The following ALK variants were observed in gnomAD, a reference collection of about 807,000 sequenced individuals.
The protein encoded by ALK is ALK tyrosine kinase receptor.
A neutral mutation model predicts 163.1 loss-of-function variants in ALK; 74 were observed. The ratio of observed to expected loss-of-function variants is 0.45; its 90% CI spans 0.38 to 0.55. The LOEUF (loss-of-function observed/expected upper bound fraction) is 0.55. ALK is among the 20% of genes least tolerant of loss of function. ALK has a pLI of 0.00. For missense variants in ALK, 2,063 were observed against 2,105.3 expected (o/e 0.98, Z 0.39); for synonymous variants, 960 against 843.2 (o/e 1.14, Z -2.40).
intron 1 of ALK, among the ~76,000 whole-genome samples, chr2:29,748,892 C>T (rs994472311): frequency 3.5e-4 from 53 of 152,148 alleles, no homozygotes; most frequent in Admixed American, 4.6e-4. Context: ...ATTACAGTCG[C>T]GAGCCATTAC....
At chr2:29,291,547 A>G (rs1666022870) in intron 9 of ALK, among the ~76,000 whole-genome samples, 1 of 152,192 alleles carries the variant, frequency 6.6e-6, no homozygotes, top group African/African-American at 2.4e-5. Context: ...AAAGGGGATT[A>G]ATTATAATAT....
chr2:29,699,089 T>C (rs1185886444), intron 2 of ALK, among the ~76,000 whole-genome samples: 3 of 152,140 alleles, frequency 2.0e-5, no homozygotes, highest in Admixed American at 6.6e-5. Flanking sequence ...TTCACCCTCT[T>C]CCAACTCAGT....
intron 5 of ALK, among the ~76,000 whole-genome samples, chr2:29,331,986 A>G (rs756958400): frequency 3.9e-5 from 6 of 152,044 alleles, no homozygotes; most frequent in Non-Finnish European, 7.4e-5. Flanking sequence ...CACAGAAAAC[A>G]TAAGTGAACT....
chr2:29,457,802 G>A (rs753420948), intron 4 of ALK, among the ~76,000 whole-genome samples: 9 of 151,978 alleles, frequency 5.9e-5, no homozygotes, highest in Non-Finnish European at 1.0e-4. Context: ...CTTTGATGTC[G>A]GTATTATGAT....
chr2:29,230,289 CT>C (rs5830106), intron 15 of ALK, among the ~76,000 whole-genome samples: 92,961 of 138,864 alleles, frequency 0.67, 30,712 homozygotes, highest in Non-Finnish European at 0.75. Flanking sequence ...ACACAATCAT[CT>C]TTTTTTTTTT....
chr2:29,234,103 G>C (rs1052793551), intron 13 of ALK, among the ~76,000 whole-genome samples: 1 of 152,046 alleles, frequency 6.6e-6, no homozygotes, highest in African/African-American at 2.4e-5. Context: ...TGGGGTGCGT[G>C]GGGGAAAAGC....
At chr2:29,739,635 C>G (rs1679996290) in intron 1 of ALK, among the ~76,000 whole-genome samples, 2 of 151,994 alleles carry the variant, frequency 1.3e-5, no homozygotes, top group Middle Eastern at 3.4e-3. Flanking sequence ...CATTCTACCA[C>G]TTACAAGGCA....
chr2:29,403,904 C>G (rs1484357596), intron 4 of ALK, among the ~76,000 whole-genome samples: 1 of 151,684 alleles, frequency 6.6e-6, no homozygotes, highest in Non-Finnish European at 1.5e-5. Flanking sequence ...AGAGAGAGAC[C>G]CTGTCTCAAA....
At chr2:29,649,368 T>G (rs1008777298) in intron 3 of ALK, among the ~76,000 whole-genome samples, 2 of 152,112 alleles carry the variant, frequency 1.3e-5, no homozygotes, top group African/African-American at 4.8e-5. Context: ...CGTTTTGGTT[T>G]CAGTCACTGT....
chr2:29,290,124 T>A (rs1318418866), intron 9 of ALK, among the ~76,000 whole-genome samples: 1 of 152,198 alleles, frequency 6.6e-6, no homozygotes, highest in Non-Finnish European at 1.5e-5. Context: ...CTTCACAGGA[T>A]GCTGTCTCGT....
At chr2:29,481,536 G>C (rs1281300206) in intron 4 of ALK, among the ~76,000 whole-genome samples, 1 of 152,194 alleles carries the variant, frequency 6.6e-6, no homozygotes, top group Admixed American at 6.5e-5. Flanking sequence ...GCTTCTGTCA[G>C]ACTCTACATC....
chr2:29,452,130 C>A (rs1031647865), intron 4 of ALK, among the ~76,000 whole-genome samples: 11 of 152,244 alleles, frequency 7.2e-5, no homozygotes, highest in Admixed American at 5.9e-4. Flanking sequence ...CTCTCTACCC[C>A]ACTTACAGAC....
At chr2:29,353,342 C>T (rs1159697105) in intron 5 of ALK, among the ~76,000 whole-genome samples, 4 of 152,210 alleles carry the variant, frequency 2.6e-5, no homozygotes, top group Admixed American at 6.5e-5. Flanking sequence ...TGCATTATTC[C>T]TTCCTATCAA....
At chr2:29,646,210 T>TC (rs1211405155) in intron 3 of ALK, among the ~76,000 whole-genome samples, 5 of 152,104 alleles carry the variant, frequency 3.3e-5, no homozygotes, top group South Asian at 4.2e-4. Flanking sequence ...TGCAACTTTA[T>TC]CCCCCCCAGG....
chr2:29,709,749 T>A (rs780014341), intron 2 of ALK, among the ~76,000 whole-genome samples: 1 of 152,186 alleles, frequency 6.6e-6, no homozygotes, highest in Non-Finnish European at 1.5e-5. Flanking sequence ...ACTTGCTATA[T>A]GGTATCCAAA....
At chr2:29,248,321 C>T (rs545365743) in intron 12 of ALK, among the ~76,000 whole-genome samples, 1 of 152,186 alleles carries the variant, frequency 6.6e-6, no homozygotes, top group East Asian at 1.9e-4. Flanking sequence ...ACTAAAAATA[C>T]AAAAATTAGC....
chr2:29,573,816 C>T (rs560850220), intron 3 of ALK, among the ~76,000 whole-genome samples: 1 of 152,210 alleles, frequency 6.6e-6, no homozygotes, highest in South Asian at 2.1e-4. Context: ...AGGAAACAGA[C>T]AGTATACAAA....
chr2:29,483,201 C>T (rs974756901), intron 4 of ALK, among the ~76,000 whole-genome samples: 7 of 152,190 alleles, frequency 4.6e-5, no homozygotes, highest in Non-Finnish European at 8.8e-5. Flanking sequence ...CTCTTAGGTA[C>T]GAAATGAGAA....
At chr2:29,322,486 A>G (rs1667089848) in intron 6 of ALK, among the ~76,000 whole-genome samples, 1 of 152,274 alleles carries the variant, frequency 6.6e-6, no homozygotes, top group Non-Finnish European at 1.5e-5. Flanking sequence ...TCTTGCAGAA[A>G]CCAACTGGTG....
Sources: allele counts gnomAD v4.1 joint callset (sites outside exome capture counted in the v4.1 genomes callset), GRCh38; gene constraint gnomAD v4.1.1; transcripts MANE v1.5; gene names NCBI Gene and HGNC (gene_info 2026-07-23, HGNC 2026-07-21).